The following CCDC192 variants were observed in gnomAD, a reference collection of about 807,000 sequenced individuals.
CCDC192 encodes the protein coiled-coil domain containing 192.
chr5:127,941,004 C>T, intron 6 of CCDC192, 178 bp from the exon 7 acceptor site: 1 of 392,486 alleles, frequency 2.5e-6, no homozygotes, highest in Non-Finnish European at 4.5e-6. Flanking sequence ...TCATGAGCAC[C>T]CAGAATCTTT....
chr5:127,890,905 T>C (rs1752713147), intron 6 of CCDC192, among the ~76,000 whole-genome samples: 1 of 152,232 alleles, frequency 6.6e-6, no homozygotes, highest in African/African-American at 2.4e-5. Flanking sequence ...TTTGCATGGT[T>C]ATAGATCTCA....
intron 2 of CCDC192, among the ~76,000 whole-genome samples, chr5:127,717,456 G>A (rs1354080427): frequency 2.2e-5 from 3 of 137,652 alleles, no homozygotes; most frequent in Admixed American, 7.2e-5. Context: ...GGCTCAAGCA[G>A]TGCATAGAAA....
At chr5:127,740,890 G>A (rs1156266997) in intron 2 of CCDC192, among the ~76,000 whole-genome samples, 1 of 152,086 alleles carries the variant, frequency 6.6e-6, no homozygotes, top group Admixed American at 6.5e-5. Flanking sequence ...TGGTCAACAT[G>A]CCAAAGTACT....
intron 5 of CCDC192, among the ~76,000 whole-genome samples, chr5:127,820,428 A>G (rs541350935): frequency 6.6e-6 from 1 of 152,316 alleles, no homozygotes; most frequent in Admixed American, 6.5e-5. Flanking sequence ...CTAAAAATAC[A>G]AAATGAACTG....
chr5:127,889,202 TTA>T (rs1752658766), intron 6 of CCDC192, among the ~76,000 whole-genome samples: 1 of 152,126 alleles, frequency 6.6e-6, no homozygotes, highest in Non-Finnish European at 1.5e-5. Context: ...TTTACTTCTA[TTA>T]TATAAAAAAG....
chr5:127,749,352 C>G (rs1753982920), intron 2 of CCDC192, among the ~76,000 whole-genome samples: 1 of 152,146 alleles, frequency 6.6e-6, no homozygotes, highest in Non-Finnish European at 1.5e-5. Context: ...AAGGCCTTTT[C>G]TGCATCTATT....
intron 3 of CCDC192, among the ~76,000 whole-genome samples, chr5:127,768,147 G>T (rs942312710): frequency 1.3e-5 from 2 of 152,094 alleles, no homozygotes; most frequent in African/African-American, 4.8e-5. Flanking sequence ...AGCTACTCAG[G>T]AGGCTGAGGC....
In CCDC192 at chr5:127,884,342, C is replaced by CAAAAAAAAAAA. The variant is rs778430655; in HGVS notation, c.535+8698_535+8708dup. 1.5e-3 allele frequency among the ~76,000 whole-genome samples: 18 copies of CAAAAAAAAAAA among 11,850 alleles called. 2 individuals are homozygous for CAAAAAAAAAAA. The highest frequency in any genetic ancestry group is 2.6e-3 in the Non-Finnish European group (14 of 5,438). The allele number at this position is 11,850 out of a possible 152,430, so 7.8% of individuals were successfully genotyped here. A position where few individuals can be genotyped will look rare whatever the true frequency, so the allele number is the denominator to read the frequency against. On this transcript the variant is annotated intron_variant, in intron 6 of 6. Coordinates refer to ENST00000514853, the MANE Select transcript of CCDC192 (RefSeq NM_001317938.2). ...TGGGCGACAGAGCAAGACTCCGTCT[C>CAAAAAAAAAAA]AAAAAAAAAAAAAAAAAAAAAAAAA... is the stretch of plus-strand genomic sequence containing the variant.
intron 1 of CCDC192, among the ~76,000 whole-genome samples, chr5:127,706,525 G>GAAAAAAAAAAAAAAAAAA (rs1224118510): frequency 1.7e-5 from 1 of 60,284 alleles, no homozygotes; most frequent in Non-Finnish European, 3.0e-5. Flanking sequence ...CTCCATCTCA[G>GAAAAAAAAAAAAAAAAAA]AAAAAAAAAA....
At position 127,835,944 on chromosome 5, in the gene CCDC192, T is replaced by A. The variant is rs372545826; in HGVS notation, c.411+37782T>A. ...TCATGTCCTCACATTTCAAAACCAA[T>A]CATGCCTTCCCAACAGTCCCTCAAA... On this transcript the variant is annotated intron_variant, in intron 5 of 6. Coordinates refer to ENST00000514853, the MANE Select transcript of CCDC192 (RefSeq NM_001317938.2). Among the ~76,000 whole-genome samples the A allele has an allele frequency of 5.9e-5, 9 of 152,208 alleles. No individual in the cohort carries two copies. The East Asian group carries it at 1.7e-3, about 29-fold the overall frequency.
At chr5:127,845,859 A>G (rs1173188518) in intron 5 of CCDC192, among the ~76,000 whole-genome samples, 1 of 152,262 alleles carries the variant, frequency 6.6e-6, no homozygotes, top group Non-Finnish European at 1.5e-5. Flanking sequence ...CCTGTGTATC[A>G]TAAATTTGTC....
intron 3 of CCDC192, chr5:127,785,314 C>G: frequency 4.4e-6 from 2 of 459,634 alleles, no homozygotes; most frequent in Non-Finnish European, 8.6e-6. Flanking sequence ...GGCCAGGACC[C>G]AGAGCTCAGC....
At chr5:127,792,799 G>T (rs13186748) in intron 3 of CCDC192, among the ~76,000 whole-genome samples, 2 of 136,002 alleles carry the variant, frequency 1.5e-5, no homozygotes, top group African/African-American at 5.8e-5. Flanking sequence ...GAAGAAGAAG[G>T]AGGAGGAGAA....
intron 2 of CCDC192, among the ~76,000 whole-genome samples, chr5:127,753,875 T>C (rs1390242258): frequency 1.3e-5 from 2 of 152,290 alleles, no homozygotes; most frequent in East Asian, 3.9e-4. Flanking sequence ...TTCAGTTGAC[T>C]CTGTTCCTAC....
intron 2 of CCDC192, among the ~76,000 whole-genome samples, chr5:127,738,884 A>G (rs369430585): frequency 1.3e-5 from 2 of 151,806 alleles, no homozygotes; most frequent in African/African-American, 4.8e-5. Context: ...ATGTCCTCCC[A>G]TAGCTCAGAG....
Position 127,869,138 on chromosome 5 carries a change from C to T in CCDC192, c.412-6400C>T, listed in dbSNP as rs1306536954. Among the ~76,000 whole-genome samples the T allele has an allele frequency of 1.1e-4, 17 of 152,224 alleles. No homozygotes were observed. The East Asian group carries it at 2.5e-3, about 22-fold the overall frequency. On this transcript the variant is annotated intron_variant, in intron 5 of 6. Coordinates refer to ENST00000514853, the MANE Select transcript of CCDC192 (RefSeq NM_001317938.2). The stretch of plus-strand genomic sequence containing the variant: ...AGGAGTTCGAGAGCAGCCTGGCCAA[C>T]ATGGTGAAACCCCATCTCTACTAAA...
intron 6 of CCDC192, among the ~76,000 whole-genome samples, chr5:127,925,943 A>T (rs569346261): frequency 6.6e-6 from 1 of 152,350 alleles, no homozygotes. Context: ...TTAATTGAGC[A>T]ATGAATGATT....
At chr5:127,850,405 G>A (rs1207045979) in intron 5 of CCDC192, among the ~76,000 whole-genome samples, 3 of 152,092 alleles carry the variant, frequency 2.0e-5, no homozygotes, top group Non-Finnish European at 4.4e-5. Flanking sequence ...TTCTCACAAA[G>A]GTACTCCATG....
intron 3 of CCDC192, among the ~76,000 whole-genome samples, chr5:127,756,637 C>T (rs1022528668): frequency 6.6e-6 from 1 of 152,198 alleles, no homozygotes; most frequent in African/African-American, 2.4e-5. Context: ...GGAGGTTCAG[C>T]CACAGGCTGC....
Sources: gnomAD v4.1 joint callset for allele counts (sites outside exome capture counted in the v4.1 genomes callset) on GRCh38, gnomAD v4.1.1 for gene constraint, MANE v1.5 for transcripts, NCBI Gene and HGNC (gene_info 2026-07-23, HGNC 2026-07-21) for gene names.